PTPRO: variants seen among roughly 807,000 people sequenced by gnomAD.
PTPRO encodes the protein protein tyrosine phosphatase receptor type O.
Under a neutral mutation model 145.2 loss-of-function variants are expected in PTPRO, and 62 were observed. The ratio of observed to expected loss-of-function variants is 0.43; its 90% CI spans 0.35 to 0.53. PTPRO has a LOEUF of 0.53. Ranked by LOEUF, PTPRO falls within the 20% of genes least tolerant of loss-of-function variation. PTPRO has a pLI of 0.01. For synonymous variants in PTPRO, 565 were observed against 514.7 expected (o/e 1.10, Z -1.32); for missense variants, 1,345 against 1,482.7 (o/e 0.91, Z 1.53).
intron 7 of PTPRO, among the ~76,000 whole-genome samples, chr12:15,514,788 T>G (rs1942541799): frequency 6.6e-6 from 1 of 152,052 alleles, no homozygotes; most frequent in Admixed American, 6.6e-5. Context: ...TTTTGAGAGC[T>G]TGTCTCACTC....
At chr12:15,395,811 A>G (rs1355761348) in intron 1 of PTPRO, among the ~76,000 whole-genome samples, 1 of 65,820 alleles carries the variant, frequency 1.5e-5, no homozygotes, top group African/African-American at 1.7e-4. Context: ...ATTAAAGATC[A>G]CACACACACA....
intron 8 of PTPRO, 116 bp from the exon 9 acceptor site, chr12:15,516,647 G>A (rs529929935): frequency 3.5e-6 from 3 of 868,968 alleles, no homozygotes; most frequent in Non-Finnish European, 5.7e-6. Context: ...GGGAGGGAGG[G>A]AGGTAGGTAT....
intron 1 of PTPRO, among the ~76,000 whole-genome samples, chr12:15,368,925 A>T (rs960601476): frequency 5.9e-5 from 9 of 152,180 alleles, no homozygotes; most frequent in Non-Finnish European, 1.2e-4. Context: ...TAGAGATAAC[A>T]ACTTCTCATT....
At chr12:15,560,396 A>G (rs972233590) in intron 17 of PTPRO, 120 bp downstream of exon 17, 23 of 756,024 alleles carry the variant, frequency 3.0e-5, no homozygotes, top group Admixed American at 4.4e-5. Flanking sequence ...TAAAGTTATT[A>G]ATCATGTATT....
At chr12:15,505,362 C>A (rs1034925568) in intron 6 of PTPRO, among the ~76,000 whole-genome samples, 1 of 152,238 alleles carries the variant, frequency 6.6e-6, no homozygotes, top group African/African-American at 2.4e-5. Context: ...ATACTGTTTG[C>A]ATATTTATTC....
At chr12:15,519,874 G>C (rs1942677442) in intron 9 of PTPRO, among the ~76,000 whole-genome samples, 2 of 152,186 alleles carry the variant, frequency 1.3e-5, no homozygotes, top group Middle Eastern at 3.2e-3. Flanking sequence ...ACTTGTCTTA[G>C]AAATAGGGAG....
intron 1 of PTPRO, among the ~76,000 whole-genome samples, chr12:15,419,322 A>G (rs1446211346): frequency 6.6e-6 from 1 of 151,402 alleles, no homozygotes; most frequent in Admixed American, 6.6e-5. Flanking sequence ...AGTTTTGGAG[A>G]AAGGTCAGTG....
intron 25 of PTPRO, among the ~76,000 whole-genome samples, chr12:15,590,600 T>C (rs556109095): frequency 6.6e-6 from 1 of 152,340 alleles, no homozygotes; most frequent in Admixed American, 6.5e-5. Flanking sequence ...CCCACTCCTT[T>C]TACTTTTCTT....
intron 10 of PTPRO, among the ~76,000 whole-genome samples, chr12:15,523,090 T>A (rs752660321): frequency 2.0e-5 from 3 of 152,250 alleles, no homozygotes; most frequent in Non-Finnish European, 2.9e-5. Context: ...AAGATTTTAT[T>A]GCTAAGCATA....
chr12:15,366,417 T>C (rs1454511566), intron 1 of PTPRO, among the ~76,000 whole-genome samples: 2 of 152,148 alleles, frequency 1.3e-5, no homozygotes, highest in African/African-American at 4.8e-5. Context: ...ATGTTTAAAC[T>C]TTGACACTTT....
chr12:15,567,935 T>C (rs1266623028), intron 18 of PTPRO, among the ~76,000 whole-genome samples: 1 of 152,204 alleles, frequency 6.6e-6, no homozygotes, highest in Non-Finnish European at 1.5e-5. Context: ...ATAATGCATG[T>C]GACTATTTAT....
At chr12:15,563,241 T>C (rs1943819066) in intron 17 of PTPRO, among the ~76,000 whole-genome samples, 1 of 152,162 alleles carries the variant, frequency 6.6e-6, no homozygotes, top group African/African-American at 2.4e-5. Flanking sequence ...TGGGGGTTAT[T>C]TATTGATTTG....
At chr12:15,428,680 A>G (rs1402868795) in intron 1 of PTPRO, among the ~76,000 whole-genome samples, 1 of 152,162 alleles carries the variant, frequency 6.6e-6, no homozygotes, top group African/African-American at 2.4e-5. Context: ...AATAAGATAG[A>G]ATTTATATCT....
At chr12:15,522,909 G>T (rs1942756142) in intron 10 of PTPRO, among the ~76,000 whole-genome samples, 2 of 152,162 alleles carry the variant, frequency 1.3e-5, no homozygotes, top group African/African-American at 4.8e-5. Flanking sequence ...CTAAAATTAG[G>T]ACATGAGAAA....
intron 1 of PTPRO, among the ~76,000 whole-genome samples, chr12:15,387,303 A>G (rs1939056004): frequency 6.7e-6 from 1 of 150,296 alleles, no homozygotes; most frequent in Non-Finnish European, 1.5e-5. Context: ...AGCCTTGTCC[A>G]ATAAAAATAG....
At chr12:15,436,731 C>A (rs890968883) in intron 1 of PTPRO, among the ~76,000 whole-genome samples, 14 of 152,194 alleles carry the variant, frequency 9.2e-5, no homozygotes, top group African/African-American at 2.9e-4. Flanking sequence ...TGCCCTAGCA[C>A]CATGGCTACA....
chr12:15,506,323 C>A (rs1399984051), intron 6 of PTPRO, among the ~76,000 whole-genome samples: 1 of 152,146 alleles, frequency 6.6e-6, no homozygotes, highest in Non-Finnish European at 1.5e-5. Context: ...ACTCAAGAGA[C>A]AGGAGGTCTG....
intron 1 of PTPRO, among the ~76,000 whole-genome samples, chr12:15,360,637 G>GTGTATGTATATATA (rs1487388490): frequency 6.6e-6 from 1 of 151,242 alleles, no homozygotes; most frequent in African/African-American, 2.4e-5. Context: ...ATATGTGTGT[G>GTGTATGTATATATA]TGTATATATA....
intron 12 of PTPRO, among the ~76,000 whole-genome samples, chr12:15,528,781 G>A (rs1421142188): frequency 1.3e-5 from 2 of 151,988 alleles, no homozygotes; most frequent in Non-Finnish European, 2.9e-5. Context: ...AAAGCATCAA[G>A]AGAAAAGGAG....
Sources: gnomAD v4.1 joint callset for allele counts (sites outside exome capture counted in the v4.1 genomes callset) on GRCh38, gnomAD v4.1.1 for gene constraint, MANE v1.5 for transcripts, NCBI Gene and HGNC (gene_info 2026-07-23, HGNC 2026-07-21) for gene names.